Variants in FAF1 observed in about 807,000 individuals in gnomAD.
FAF1 encodes Fas associated factor 1, also known as FAS-associated factor 1.
In FAF1, 25 loss-of-function variants were observed where a neutral mutation model predicts 92.5. The ratio of observed to expected loss-of-function variants is 0.27; its 90% CI spans 0.20 to 0.38. The LOEUF is 0.38. Among genes scored for constraint, FAF1 ranks in the 10% least tolerant of loss-of-function variants. The pLI, the probability that FAF1 is intolerant of heterozygous loss-of-function variation, is 1.00. For synonymous variants in FAF1, 234 were observed against 273.2 expected, an observed-to-expected ratio of 0.86 and a Z score of 1.42; for missense variants, 636 against 793.3, an observed-to-expected ratio of 0.80 and a Z score of 2.38.
chr1:50,514,791 T>C (rs992759194), intron 15 of FAF1, among the ~76,000 whole-genome samples: 3 of 152,212 alleles, frequency 2.0e-5, no homozygotes, highest in Admixed American at 6.5e-5. Context: ...TTTCAAACTA[T>C]GGATTGCCAT....
Position 50,679,446 on chromosome 1 carries a change from G to GA in FAF1, c.658-23919dup, listed in dbSNP as rs750339675. ...ATGGCATTATTTCTACTTCACAGATGAAAAAAAAAAAAAAGACACCTAAGG... is the reference window on the plus strand; with the variant it reads ...ATGGCATTATTTCTACTTCACAGATGAAAAAAAAAAAAAAAGACACCTAAGG... On this transcript the variant is annotated intron_variant, in intron 7 of 18. Transcript: ENST00000396153. 5.3e-3 allele frequency among the ~76,000 whole-genome samples: 677 copies of GA among 127,908 alleles called. 3 individuals carry two copies. Among genetic ancestry groups the GA allele is most frequent in the African/African-American group, 0.014 (482 of 35,016 alleles). 83.9% of individuals were successfully genotyped at this position (127,908 alleles called of 152,430 possible).
chr1:50,887,731 G>A (rs992845835), intron 1 of FAF1, among the ~76,000 whole-genome samples: 31 of 152,188 alleles, frequency 2.0e-4, no homozygotes, highest in Middle Eastern at 6.8e-3. Context: ...TGTTCCATTG[G>A]TCTATATCTC....
intron 8 of FAF1, among the ~76,000 whole-genome samples, chr1:50,631,242 T>C (rs1382378258): frequency 6.6e-6 from 1 of 152,172 alleles, no homozygotes; most frequent in African/African-American, 2.4e-5. Context: ...CAATCAACTG[T>C]GGTCCAAAAA....
chr1:50,934,208 TTACAA>T (rs1645069355), intron 1 of FAF1, among the ~76,000 whole-genome samples: 1 of 152,236 alleles, frequency 6.6e-6, no homozygotes, highest in African/African-American at 2.4e-5. Context: ...TGTAAGAACC[TTACAA>T]TACTTCTTTC....
intron 8 of FAF1, among the ~76,000 whole-genome samples, chr1:50,653,364 G>T (rs1654952703): frequency 6.6e-6 from 1 of 151,990 alleles, no homozygotes; most frequent in South Asian, 2.1e-4. Context: ...TTTTGTTTTT[G>T]TTTTTCAGAT....
chr1:50,847,435 A>AG (rs1644311551), intron 2 of FAF1, among the ~76,000 whole-genome samples: 2 of 151,428 alleles, frequency 1.3e-5, no homozygotes, highest in Non-Finnish European at 2.9e-5. Context: ...AAAAAAAAAA[A>AG]CAGTAACAGA....
In FAF1 at chr1:50,537,561, T is replaced by G. The variant is rs142577879; in HGVS notation, c.1405+2031A>C. On this transcript the variant is annotated intron_variant, in intron 14 of 18. Coordinates refer to ENST00000396153, the MANE Select transcript of FAF1 (RefSeq NM_007051.3). The stretch of plus-strand genomic sequence containing the variant: ...GTGTTAGAAATTAAAATAGAAATAT[T>G]TAAAATAAATTTATCAATCCATTTA... 1.6e-3 allele frequency among the ~76,000 whole-genome samples: 247 copies of G among 152,252 alleles called. 7 individuals are homozygous for G. In the East Asian group the frequency reaches 0.042, roughly 26 times the overall value.
At chr1:50,547,592 T>A (rs938094324) in intron 13 of FAF1, among the ~76,000 whole-genome samples, 2 of 152,114 alleles carry the variant, frequency 1.3e-5, no homozygotes, top group East Asian at 3.9e-4. Flanking sequence ...TTTTGTATTT[T>A]TAGTAGAGAC....
chr1:50,872,877 C>A (rs1362090931), intron 1 of FAF1, among the ~76,000 whole-genome samples: 3 of 150,294 alleles, frequency 2.0e-5, no homozygotes, highest in Non-Finnish European at 4.4e-5. Context: ...CCAGCCTGGG[C>A]AACAACAGCG....
At chr1:50,880,533 C>T (rs1211908023) in intron 1 of FAF1, among the ~76,000 whole-genome samples, 3 of 152,190 alleles carry the variant, frequency 2.0e-5, no homozygotes, top group South Asian at 2.1e-4. Flanking sequence ...CTAGAGAACT[C>T]GTACACTATC....
At chr1:50,826,894 G>A (rs904962045) in intron 2 of FAF1, among the ~76,000 whole-genome samples, 4 of 152,160 alleles carry the variant, frequency 2.6e-5, no homozygotes, top group Non-Finnish European at 4.4e-5. Flanking sequence ...GAAGTGAGGA[G>A]CGCCTCTGCC....
intron 7 of FAF1, among the ~76,000 whole-genome samples, chr1:50,687,173 G>A (rs899029877): frequency 4.6e-5 from 7 of 151,996 alleles, no homozygotes; most frequent in Non-Finnish European, 7.4e-5. Context: ...CATAATTCCC[G>A]ATTCTCTAGT....
In FAF1 at chr1:50,678,111, C is replaced by T. The variant is rs950122237; in HGVS notation, c.658-22583G>A. 8.5e-5 allele frequency among the ~76,000 whole-genome samples: 13 copies of T among 152,246 alleles called. 1 individual carries two copies. The highest frequency in any genetic ancestry group is 4.1e-4 in the South Asian group (2 of 4,822). ...AATGAACTTGCCCCATTAATATATG[C>T]TTGACATTGCCTGACCCATGAGTTA... On this transcript the variant is annotated intron_variant, in intron 7 of 18. Transcript: ENST00000396153.
At chr1:50,673,140 C>T (rs1655970085) in intron 7 of FAF1, among the ~76,000 whole-genome samples, 1 of 151,966 alleles carries the variant, frequency 6.6e-6, no homozygotes, top group South Asian at 2.1e-4. Flanking sequence ...TACCTGTAAT[C>T]CCAGCTACTC....
chr1:50,770,580 A>G (rs1660742834), intron 4 of FAF1, among the ~76,000 whole-genome samples: 1 of 152,214 alleles, frequency 6.6e-6, no homozygotes, highest in African/African-American at 2.4e-5. Context: ...TGAGAATTAC[A>G]AAAGACTGCA....
chr1:50,813,673 G>T (rs868855453), intron 2 of FAF1, among the ~76,000 whole-genome samples: 5 of 152,048 alleles, frequency 3.3e-5, no homozygotes, highest in African/African-American at 9.7e-5. Flanking sequence ...ATGTTGTTGA[G>T]GCTTGTCTCA....
At chr1:50,757,705 A>G (rs942801222) in intron 4 of FAF1, among the ~76,000 whole-genome samples, 1 of 152,118 alleles carries the variant, frequency 6.6e-6, no homozygotes. Flanking sequence ...CAGTGTAACA[A>G]TCTCTACCTT....
intron 7 of FAF1, among the ~76,000 whole-genome samples, chr1:50,685,114 A>C (rs1656598336): frequency 6.6e-6 from 1 of 152,174 alleles, no homozygotes; most frequent in Non-Finnish European, 1.5e-5. Flanking sequence ...TGGCATGAGG[A>C]GAAGGGGTAA....
intron 8 of FAF1, among the ~76,000 whole-genome samples, chr1:50,626,705 T>C (rs912549967): frequency 1.3e-5 from 2 of 152,184 alleles, no homozygotes; most frequent in East Asian, 3.8e-4. Context: ...AGTAGATTTA[T>C]ATCTCTTTTA....
Sources: gnomAD v4.1 joint callset for allele counts (sites outside exome capture counted in the v4.1 genomes callset) on GRCh38, gnomAD v4.1.1 for gene constraint, MANE v1.5 for transcripts, NCBI Gene and HGNC (gene_info 2026-07-23, HGNC 2026-07-21) for gene names.